The following CELF2 variants were observed in gnomAD, a reference collection of about 807,000 sequenced individuals.
The protein encoded by CELF2 is CUGBP Elav-like family member 2.
CELF2 carries 8 observed loss-of-function variants against 62.6 expected under a neutral mutation model. The ratio of observed to expected loss-of-function variants is 0.13; its 90% CI spans 0.07 to 0.23. The LOEUF (loss-of-function observed/expected upper bound fraction) is 0.23. Ranked by LOEUF, CELF2 falls within the 10% of genes least tolerant of loss-of-function variation. The pLI is 1.00. For synonymous variants in CELF2, 258 were observed against 250.0 expected, an observed-to-expected ratio of 1.03 and a Z score of -0.30; for missense variants, 333 against 671.0, an observed-to-expected ratio of 0.50 and a Z score of 5.56.
Position 10,957,358 on chromosome 10 carries a change from G to T in CELF2, c.89+37359G>T, listed in dbSNP as rs57868734. ...TCTCTTTGTGCATGTGTCTCCTCTG[G>T]GATTCATTCGCTCTCGCTGAAGGAT... On this transcript the variant is annotated intron_variant, in intron 2 of 13. Coordinates refer to the CELF2 transcript ENST00000636488. This position sits in a 1 kb window ranked among gnomAD's most constrained non-coding sequence, Gnocchi z 4.1. Among the ~76,000 whole-genome samples, 1 of 152,054 alleles carries T rather than the reference G, an allele frequency of 6.6e-6. No homozygotes were observed. The highest frequency in any genetic ancestry group is 2.1e-4 in the South Asian group (1 of 4,824).
At chr10:10,705,994 C>A in the CELF2 span, among the ~76,000 whole-genome samples, 1 of 152,294 alleles carries the variant, frequency 6.6e-6, no homozygotes, top group Non-Finnish European at 1.5e-5. Context: ...TGGTGCCACA[C>A]TCTACATCCC....
At chr10:11,282,956 TG>T (rs2089521643) in intron 8 of CELF2, among the ~76,000 whole-genome samples, 1 of 152,212 alleles carries the variant, frequency 6.6e-6, no homozygotes, top group Non-Finnish European at 1.5e-5. Context: ...CTTTAAGACA[TG>T]GGGTCTCACT....
chr10:10,670,808 C>T, the CELF2 span, among the ~76,000 whole-genome samples: 6 of 150,932 alleles, frequency 4.0e-5, no homozygotes, highest in East Asian at 1.2e-3. Context: ...ATAGTTTTGC[C>T]TTTTGCAGAA....
rs2076037620 is a variant in CELF2, at chr10:11,247,717, C to T, written c.355-1436C>T. Among the ~76,000 whole-genome samples, 1 of 152,174 alleles carries T rather than the reference C, an allele frequency of 6.6e-6. No individual in the cohort carries two copies. The highest frequency in any genetic ancestry group is 1.5e-5 in the Non-Finnish European group (1 of 68,022). On this transcript the variant is annotated intron_variant, in intron 3 of 12. Transcript: ENST00000633077. This position sits in a 1 kb window ranked among gnomAD's most constrained non-coding sequence, Gnocchi z 5.4. The stretch of plus-strand genomic sequence containing the variant: ...ACATAGGGTACCTGTTTGCTCCATA[C>T]CTGCTGGACAACCAGACAGATGCAT...
chr10:10,481,819 A>G, the CELF2 span, among the ~76,000 whole-genome samples: 1 of 152,132 alleles, frequency 6.6e-6, no homozygotes, highest in Non-Finnish European at 1.5e-5. Flanking sequence ...GTTATGCTTC[A>G]TTTTCCCTCT....
chr10:10,792,247 G>T, the CELF2 span: 1 of 396,114 alleles, frequency 2.5e-6, no homozygotes, highest in East Asian at 3.6e-5. Context: ...TTACCACCTT[G>T]AATTACATTA....
chr10:10,521,235 G>A, the CELF2 span, among the ~76,000 whole-genome samples: 87 of 152,294 alleles, frequency 5.7e-4, no homozygotes, highest in African/African-American at 2.0e-3. Context: ...ACGACTCAGT[G>A]AGCACAGTTA....
At chr10:10,830,360 A>T (rs2057750192) in intron 1 of CELF2, among the ~76,000 whole-genome samples, 1 of 151,484 alleles carries the variant, frequency 6.6e-6, no homozygotes, top group Non-Finnish European at 1.5e-5. Flanking sequence ...GCAGACTGTT[A>T]GAATCTGAGT....
At chr10:10,919,532 T>G (rs988121787) in intron 1 of CELF2, among the ~76,000 whole-genome samples, 5 of 152,238 alleles carry the variant, frequency 3.3e-5, no homozygotes, top group South Asian at 2.1e-4. Context: ...AAGCTTCGGG[T>G]GACAGAGGTC....
At chr10:10,658,841 A>G in the CELF2 span, among the ~76,000 whole-genome samples, 2 of 151,882 alleles carry the variant, frequency 1.3e-5, no homozygotes, top group Non-Finnish European at 2.9e-5. Context: ...ATGTTTTTAG[A>G]CCGTGGACAT....
chr10:11,253,264 C>CT (rs1240666295), intron 4 of CELF2, among the ~76,000 whole-genome samples: 1 of 152,216 alleles, frequency 6.6e-6, no homozygotes, highest in Non-Finnish European at 1.5e-5. Context: ...TGCTGGGGGT[C>CT]TTTAACGCCT....
At chr10:10,696,856 G>A in the CELF2 span, among the ~76,000 whole-genome samples, 2 of 152,200 alleles carry the variant, frequency 1.3e-5, no homozygotes, top group African/African-American at 2.4e-5. Flanking sequence ...CACGGTGCGT[G>A]CACCCAATGA....
chr10:11,213,997 G>T (rs2062623385), intron 2 of CELF2, among the ~76,000 whole-genome samples: 1 of 152,168 alleles, frequency 6.6e-6, no homozygotes, highest in African/African-American at 2.4e-5. Flanking sequence ...TTACTGATGA[G>T]ACTAGGCCGG....
At chr10:10,846,909 G>A (rs1006098776) in intron 1 of CELF2, among the ~76,000 whole-genome samples, 1 of 152,106 alleles carries the variant, frequency 6.6e-6, no homozygotes, top group African/African-American at 2.4e-5. Context: ...GTGATTGCAG[G>A]TTTTGGTTTT....
At chr10:10,633,885 C>T in the CELF2 span, among the ~76,000 whole-genome samples, 1 of 151,744 alleles carries the variant, frequency 6.6e-6, no homozygotes. Flanking sequence ...ACCATTTTGT[C>T]ATATATTAAA....
intron 1 of CELF2, among the ~76,000 whole-genome samples, chr10:11,026,073 CA>C (rs780672132): frequency 4.5e-4 from 27 of 60,628 alleles, no homozygotes; most frequent in Non-Finnish European, 1.3e-3. Context: ...GGAAGAAAAA[CA>C]GACTTCACAG....
the CELF2 span, among the ~76,000 whole-genome samples, chr10:10,730,146 T>C: frequency 6.6e-6 from 1 of 152,158 alleles, no homozygotes; most frequent in Non-Finnish European, 1.5e-5. Context: ...CTAATTTTTT[T>C]TTCCCTCCAC....
chr10:10,926,611 C>T (rs2065486167), intron 2 of CELF2, among the ~76,000 whole-genome samples: 1 of 152,202 alleles, frequency 6.6e-6, no homozygotes, highest in African/African-American at 2.4e-5. Context: ...GCAACTCCAG[C>T]CGTCACGTGG....
chr10:11,328,851 C>T lies in CELF2; in HGVS notation c.1439-75C>T. 1 of 1,517,994 alleles carries T rather than the reference C, an allele frequency of 6.6e-7. No homozygotes were observed. Among genetic ancestry groups the T allele is most frequent in the Non-Finnish European group, 8.9e-7 (1 of 1,123,926 alleles). 94.0% of individuals were successfully genotyped at this position (1,517,994 alleles called of 1,614,324 possible). ...CTCATGCTGGCTCTTCAGCCTTCCC[C>T]AGAGCTCCAGCCCCCTTTTCTGTTT... On this transcript the variant is annotated intron_variant, in intron 12 of 12. Transcript: ENST00000633077. The surrounding 1 kb of genome is among the most constrained non-coding windows in gnomAD (Gnocchi z 6.4).
Sources: gnomAD v4.1 joint callset for allele counts (sites outside exome capture counted in the v4.1 genomes callset) on GRCh38, gnomAD v4.1.1 for gene constraint, Gnocchi (gnomAD v3.1) non-coding constraint, MANE v1.5 for transcripts, NCBI Gene and HGNC (gene_info 2026-07-23, HGNC 2026-07-21) for gene names.